RCC1: variants seen among roughly 807,000 people sequenced by gnomAD.
RCC1 encodes the protein regulator of chromosome condensation 1.
In RCC1, 11 loss-of-function variants were observed where a neutral mutation model predicts 44.4. That is an observed-to-expected ratio of 0.25 (90% confidence interval 0.16 to 0.41). The LOEUF (loss-of-function observed/expected upper bound fraction) is 0.41. Among genes scored for constraint, RCC1 ranks in the 10% least tolerant of loss-of-function variants. The probability of loss-of-function intolerance (pLI) is 1.00; values close to 1 mark genes in which losing one functional copy is unlikely to be tolerated. For missense variants in RCC1, 386 were observed against 547.1 expected (o/e 0.71, Z 2.94); for synonymous variants, 213 against 216.5 (o/e 0.98, Z 0.14).
At chr1:28,506,451 C>G in intron 1 of RCC1, 1 of 339,726 alleles carries the variant, frequency 2.9e-6, no homozygotes, top group South Asian at 2.2e-5. Context: ...TTCCAAAGTG[C>G]TGGGATTACA....
intron 5 of RCC1, among the ~76,000 whole-genome samples, chr1:28,530,368 A>G (rs1481746113): frequency 6.6e-6 from 1 of 152,136 alleles, no homozygotes; most frequent in East Asian, 1.9e-4. Flanking sequence ...CTGTGTGAGG[A>G]TGAGATGAGA....
intron 4 of RCC1, among the ~76,000 whole-genome samples, chr1:28,517,299 T>A (rs1662954554): frequency 6.6e-6 from 1 of 152,102 alleles, no homozygotes; most frequent in South Asian, 2.1e-4. Context: ...TCCTGAAGAA[T>A]GGGTGTTAAT....
At chr1:28,513,116 C>CA (rs763079964) in intron 3 of RCC1, among the ~76,000 whole-genome samples, 3 of 150,558 alleles carry the variant, frequency 2.0e-5, no homozygotes, top group Non-Finnish European at 4.4e-5. Flanking sequence ...TTGCCAAAGC[C>CA]AGAGTGCAGT....
chr1:28,523,058 G>C (rs1376375664), intron 4 of RCC1, among the ~76,000 whole-genome samples: 8 of 136,986 alleles, frequency 5.8e-5, no homozygotes, highest in Non-Finnish European at 1.2e-4. Context: ...TTGAGACGGA[G>C]TCTTGCTCTG....
intron 7 of RCC1, 62 bp from the exon 8 acceptor site, chr1:28,534,988 T>C: frequency 7.3e-7 from 1 of 1,361,208 alleles, no homozygotes; most frequent in East Asian, 2.3e-5. Flanking sequence ...ACTGCCCTTC[T>C]GGATTTCACT....
intron 12 of RCC1, among the ~76,000 whole-genome samples, chr1:28,537,227 C>T (rs1203141153): frequency 1.3e-5 from 2 of 152,076 alleles, no homozygotes; most frequent in African/African-American, 4.8e-5. Context: ...AGGGTGACCC[C>T]TTCATATATC....
At chr1:28,507,044 T>C (rs1195821155) in intron 1 of RCC1, 1 of 165,458 alleles carries the variant, frequency 6.0e-6, no homozygotes, top group Admixed American at 5.9e-5. Flanking sequence ...TTTATATTTT[T>C]AGGATTACAG....
chr1:28,532,625 G>A (rs1268122079), intron 7 of RCC1: 1 of 519,970 alleles, frequency 1.9e-6, no homozygotes, highest in Non-Finnish European at 3.6e-6. Flanking sequence ...CAGGAGGCCT[G>A]CTGTCTTCAC....
intron 3 of RCC1, among the ~76,000 whole-genome samples, chr1:28,516,226 A>G (rs1662886195): frequency 6.9e-6 from 1 of 145,228 alleles, no homozygotes; most frequent in South Asian, 2.2e-4. Flanking sequence ...AAAGTACAAA[A>G]ATTAAGGCTG....
At chr1:28,529,518 TG>T (rs547027086) in intron 4 of RCC1, among the ~76,000 whole-genome samples, 1 of 151,956 alleles carries the variant, frequency 6.6e-6, no homozygotes. Context: ...TACTTGGCAA[TG>T]GGGAACATCT....
At chr1:28,509,860 G>A (rs983993573) in intron 3 of RCC1, 1 of 152,190 alleles carries the variant, frequency 6.6e-6, no homozygotes, top group African/African-American at 2.4e-5. Flanking sequence ...AGATGAGTTA[G>A]ACCGATTCTT....
intron 4 of RCC1, among the ~76,000 whole-genome samples, chr1:28,528,432 G>T (rs1244528210): frequency 2.0e-5 from 3 of 152,142 alleles, no homozygotes; most frequent in Non-Finnish European, 4.4e-5. Context: ...TCTAGCCTGG[G>T]TGACAGAACG....
chr1:28,534,050 G>A (rs977336968), intron 7 of RCC1, among the ~76,000 whole-genome samples: 13 of 149,704 alleles, frequency 8.7e-5, no homozygotes, highest in Admixed American at 2.7e-4. Flanking sequence ...GTTAATTTTT[G>A]TATTTTTAGT....
chr1:28,534,549 A>T (rs1043229462), intron 7 of RCC1, among the ~76,000 whole-genome samples: 1 of 152,130 alleles, frequency 6.6e-6, no homozygotes, highest in African/African-American at 2.4e-5. Flanking sequence ...GCATCGTCTT[A>T]GCTCATTACA....
chr1:28,512,228 C>A (rs1478812498), intron 3 of RCC1, among the ~76,000 whole-genome samples: 1 of 68,826 alleles, frequency 1.5e-5, no homozygotes, highest in Non-Finnish European at 2.8e-5. Flanking sequence ...TGATCCACCA[C>A]GCCCGGCAGA....
intron 4 of RCC1, among the ~76,000 whole-genome samples, chr1:28,524,623 C>G (rs1663526026): frequency 6.6e-6 from 1 of 151,986 alleles, no homozygotes; most frequent in Non-Finnish European, 1.5e-5. Flanking sequence ...TTTGGGAGTC[C>G]AAGGCTAGAG....
At chr1:28,528,077 C>T (rs1483872310) in intron 4 of RCC1, among the ~76,000 whole-genome samples, 5 of 149,812 alleles carry the variant, frequency 3.3e-5, no homozygotes, top group Admixed American at 2.7e-4. Context: ...CCCAGGACTT[C>T]GGGAGGCTGA....
intron 4 of RCC1, among the ~76,000 whole-genome samples, chr1:28,522,144 A>G (rs1409552029): frequency 6.6e-6 from 1 of 152,210 alleles, no homozygotes; most frequent in African/African-American, 2.4e-5. Flanking sequence ...TTGTGATCCA[A>G]AAGTCTGTCC....
At chr1:28,515,051 G>C (rs1662807773) in intron 3 of RCC1, among the ~76,000 whole-genome samples, 1 of 152,176 alleles carries the variant, frequency 6.6e-6, no homozygotes, top group African/African-American at 2.4e-5. Flanking sequence ...GCCAAGGCAG[G>C]CTGACTGCTG....
Sources: gnomAD v4.1 joint callset for allele counts (sites outside exome capture counted in the v4.1 genomes callset) on GRCh38, gnomAD v4.1.1 for gene constraint, MANE v1.5 for transcripts, NCBI Gene and HGNC (gene_info 2026-07-23, HGNC 2026-07-21) for gene names.